Variants in RBFOX2 observed in about 807,000 individuals in gnomAD.
The protein encoded by RBFOX2 is RNA binding protein fox-1 homolog 2.
A neutral mutation model predicts 49.1 loss-of-function variants in RBFOX2; 10 were observed. The observed-to-expected ratio is 0.20, with a 90% CI of 0.13 to 0.35. The LOEUF (loss-of-function observed/expected upper bound fraction) is 0.35, where lower values mean the gene tolerates loss of function less well. RBFOX2 is among the 10% of genes least tolerant of loss of function. The pLI is 1.00. For synonymous variants in RBFOX2, 183 were observed against 187.4 expected, an observed-to-expected ratio of 0.98 and a Z score of 0.19; for missense variants, 323 against 486.9, an observed-to-expected ratio of 0.66 and a Z score of 3.17.
chr22:35,975,276 TA>T (rs1370525146), intron 1 of RBFOX2, among the ~76,000 whole-genome samples: 2 of 152,188 alleles, frequency 1.3e-5, no homozygotes, highest in African/African-American at 4.8e-5. Context: ...AATGACACTT[TA>T]ATTAGCACTG....
chr22:36,028,116 G>A (rs922874933), intron 1 of RBFOX2, 124 bp downstream of exon 1: 4 of 1,291,202 alleles, frequency 3.1e-6, no homozygotes, highest in Admixed American at 8.0e-5. Flanking sequence ...GGCCCCGAAT[G>A]GCCCCCCATC....
intron 1 of RBFOX2, among the ~76,000 whole-genome samples, chr22:35,884,550 C>T (rs2046329304): frequency 6.6e-6 from 1 of 152,180 alleles, no homozygotes; most frequent in Non-Finnish European, 1.5e-5. Flanking sequence ...ACATCACTGG[C>T]TCTTGGGCCT....
chr22:35,759,844 CTGCTTATTT>C lies in RBFOX2; in HGVS notation c.887+35_887+43del, dbSNP rs1218187114. 1.9e-6 allele frequency: 3 copies of C among 1,605,186 alleles called. No individual in the cohort carries two copies. The highest frequency in any genetic ancestry group is 2.7e-5 in the African/African-American group (2 of 74,746). Reference sequence around the variant, plus strand: ...GCCATGGTATTCTTTTTTGGTCCAACTGCTTATTTTAGAAACATACTGATTTTGGAATCT... The same window carrying C: ...GCCATGGTATTCTTTTTTGGTCCAACTAGAAACATACTGATTTTGGAATCT... On this transcript the variant is annotated intron_variant, in intron 9 of 11. Transcript: ENST00000405409. This position sits in a 1 kb window ranked among gnomAD's most constrained non-coding sequence, Gnocchi z 4.6.
intron 1 of RBFOX2, among the ~76,000 whole-genome samples, chr22:35,834,119 G>A (rs1957244821): frequency 6.6e-6 from 1 of 152,066 alleles, no homozygotes; most frequent in Admixed American, 6.5e-5. Context: ...ACCTACAAGG[G>A]GCATTAGAGT....
intron 1 of RBFOX2, among the ~76,000 whole-genome samples, chr22:35,847,029 A>T (rs1257936511): frequency 6.6e-6 from 1 of 152,226 alleles, no homozygotes; most frequent in Non-Finnish European, 1.5e-5. Flanking sequence ...CAGAGGCAGT[A>T]AATGTTTAAT....
At chr22:35,935,093 C>G (rs1373866737) in intron 1 of RBFOX2, among the ~76,000 whole-genome samples, 1 of 152,058 alleles carries the variant, frequency 6.6e-6, no homozygotes, top group African/African-American at 2.4e-5. Flanking sequence ...CACCACTACA[C>G]CCGGCTGATT....
rs766163687 is a variant in RBFOX2, at chr22:35,768,329, G to A, written c.474C>T (p.Phe158=). The A allele has an allele frequency of 1.7e-5, 28 of 1,613,866 alleles. No homozygotes were observed. Among genetic ancestry groups the A allele is most frequent in the African/African-American group, 8.0e-5 (6 of 74,906 alleles). The change falls in exon 5 of 12, where the codon TTC becomes TTT. Residue 158 remains phenylalanine (F), a synonymous_variant. Transcript: ENST00000405409. ...CCCTGTCTGCATCAGCACTATTCTC[G>A]AAAGTTACGAACCCGAATCCCTGCA... is the stretch of plus-strand genomic sequence containing the variant.
intron 1 of RBFOX2, among the ~76,000 whole-genome samples, chr22:35,889,772 A>G (rs969647518): frequency 7.2e-5 from 11 of 152,178 alleles, no homozygotes; most frequent in Admixed American, 2.0e-4. Flanking sequence ...TCAATTTACT[A>G]TTAAGTCTAG....
At chr22:35,862,744 C>T (rs931096670) in intron 1 of RBFOX2, among the ~76,000 whole-genome samples, 7 of 152,118 alleles carry the variant, frequency 4.6e-5, no homozygotes, top group Non-Finnish European at 7.3e-5. Flanking sequence ...AACTTCTTAG[C>T]TGTGTAATTT....
intron 9 of RBFOX2, 163 bp from the exon 12 acceptor site, chr22:35,746,724 C>T: frequency 2.4e-6 from 1 of 411,832 alleles, no homozygotes; most frequent in East Asian, 3.6e-5. Context: ...CATCAGTCTG[C>T]ATGTTATTAT....
At chr22:35,977,599 A>G (rs1462319703) in intron 1 of RBFOX2, among the ~76,000 whole-genome samples, 3 of 151,684 alleles carry the variant, frequency 2.0e-5, no homozygotes, top group Non-Finnish European at 2.9e-5. Context: ...TTCTACGGTA[A>G]TGGACGCATT....
chr22:35,916,063 T>C (rs1352428398), intron 1 of RBFOX2, among the ~76,000 whole-genome samples: 1 of 152,214 alleles, frequency 6.6e-6, no homozygotes. Context: ...GGAACATAAG[T>C]GACTTAGCTC....
At chr22:35,919,165 C>A (rs1467779837) in intron 1 of RBFOX2, among the ~76,000 whole-genome samples, 1 of 152,172 alleles carries the variant, frequency 6.6e-6, no homozygotes, top group Admixed American at 6.5e-5. Flanking sequence ...AAACTGTATA[C>A]AGAATAGGCA....
rs188419166 is a variant in RBFOX2, at chr22:35,796,733, T to G, written c.252+13047A>C. Among the ~76,000 whole-genome samples, 7 of 151,734 alleles carry G rather than the reference T, an allele frequency of 4.6e-5. No individual in the cohort carries two copies. In the East Asian group the frequency reaches 1.3e-3, roughly 29 times the overall value. ...AACCTCAGTCATTATTTGTAAAATATCGGCTTACTGAGTTACGGAGCTCTT... is the reference window on the plus strand; with the variant it reads ...AACCTCAGTCATTATTTGTAAAATAGCGGCTTACTGAGTTACGGAGCTCTT... On this transcript the variant is annotated intron_variant, in intron 2 of 11. Coordinates refer to ENST00000405409, the Ensembl canonical transcript of RBFOX2.
In RBFOX2 at chr22:35,960,418, C is replaced by T. The variant is rs559821857; in HGVS notation, c.42+1145G>A. 5.3e-5 allele frequency among the ~76,000 whole-genome samples: 8 copies of T among 152,196 alleles called. No individual in the cohort carries two copies. In the South Asian group the frequency reaches 1.7e-3, roughly 32 times the overall value. On this transcript the variant is annotated intron_variant, in intron 1 of 5. Transcript: ENST00000408983. ...CAACCCGATTTCAAAGAGTCTGTGC[C>T]CTCAGACACACCATCTAAAGCTGCT...
intron 1 of RBFOX2, chr22:35,993,719 T>C (rs2058071765): frequency 6.6e-6 from 1 of 152,122 alleles, no homozygotes; most frequent in Admixed American, 6.5e-5. Flanking sequence ...TAGTGCACTG[T>C]GTTATGAATC....
intron 1 of RBFOX2, among the ~76,000 whole-genome samples, chr22:35,947,944 T>A (rs1319088305): frequency 6.6e-6 from 1 of 152,162 alleles, no homozygotes; most frequent in Non-Finnish European, 1.5e-5. Context: ...TCAACAGTAG[T>A]GTACAGTAAT....
chr22:35,772,764 C>G (rs543587763), intron 4 of RBFOX2, among the ~76,000 whole-genome samples: 1 of 152,128 alleles, frequency 6.6e-6, no homozygotes. Context: ...TCACAGCCTG[C>G]CTTTACATCA....
intron 4 of RBFOX2, 44 bp from the exon 6 acceptor site, chr22:35,768,393 A>G (rs1941672733): frequency 5.4e-6 from 8 of 1,487,818 alleles, no homozygotes; most frequent in African/African-American, 1.4e-5. Flanking sequence ...ACATCGTTAT[A>G]TTGAAATACT....
Sources: gnomAD v4.1 joint callset for allele counts (sites outside exome capture counted in the v4.1 genomes callset) on GRCh38, gnomAD v4.1.1 for gene constraint, Gnocchi (gnomAD v3.1) non-coding constraint, MANE v1.5 for transcripts, NCBI Gene and HGNC (gene_info 2026-07-23, HGNC 2026-07-21) for gene names.